Variants in CLVS1 observed in about 807,000 individuals in gnomAD.
CLVS1 encodes the protein clavesin-1.
CLVS1 carries 10 observed loss-of-function variants against 33.1 expected under a neutral mutation model. The observed-to-expected ratio is 0.30, with a 90% confidence interval of 0.19 to 0.51. The LOEUF (loss-of-function observed/expected upper bound fraction) is 0.51. Ranked by LOEUF, CLVS1 falls within the 20% of genes least tolerant of loss-of-function variation. The pLI is 0.97. For synonymous variants in CLVS1, 163 were observed against 166.1 expected (o/e 0.98, Z 0.14); for missense variants, 343 against 433.4 (o/e 0.79, Z 1.85).
chr8:61,121,716 A>G (rs1805874174), intron 1 of CLVS1, among the ~76,000 whole-genome samples: 1 of 152,200 alleles, frequency 6.6e-6, no homozygotes, highest in African/African-American at 2.4e-5. Context: ...TGTCAAAGCA[A>G]AGTATACACA....
intron 2 of CLVS1, chr8:61,203,103 G>C (rs1807771331): frequency 1.8e-5 from 23 of 1,266,750 alleles, no homozygotes; most frequent in Non-Finnish European, 2.4e-5. Flanking sequence ...ATGCAAGCAA[G>C]TATAGAAAAA....
At chr8:61,356,095 C>A (rs1301266984) in intron 2 of CLVS1, among the ~76,000 whole-genome samples, 3 of 151,826 alleles carry the variant, frequency 2.0e-5, no homozygotes, top group African/African-American at 7.3e-5. Context: ...GACTTTTTAA[C>A]GATTGCCATT....
At chr8:61,463,781 T>C (rs1817451619) in intron 5 of CLVS1, among the ~76,000 whole-genome samples, 2 of 151,850 alleles carry the variant, frequency 1.3e-5, no homozygotes, top group Non-Finnish European at 2.9e-5. Flanking sequence ...TAATAAAAAG[T>C]TTGGGCCGGG....
At chr8:61,226,309 A>G (rs1808328603) in intron 2 of CLVS1, among the ~76,000 whole-genome samples, 2 of 152,240 alleles carry the variant, frequency 1.3e-5, no homozygotes, top group African/African-American at 4.8e-5. Context: ...TGAATAATAA[A>G]TGTCACTTTT....
At chr8:61,352,778 G>A (rs980331241) in intron 2 of CLVS1, among the ~76,000 whole-genome samples, 1 of 151,544 alleles carries the variant, frequency 6.6e-6, no homozygotes, top group Non-Finnish European at 1.5e-5. Context: ...GAACAAAAAA[G>A]CAATAAAAAA....
At chr8:61,201,897 G>A (rs1057108571) in intron 2 of CLVS1, among the ~76,000 whole-genome samples, 2 of 152,180 alleles carry the variant, frequency 1.3e-5, no homozygotes, top group Non-Finnish European at 2.9e-5. Flanking sequence ...TGCCATGAGA[G>A]TACACCAAAC....
intron 3 of CLVS1, among the ~76,000 whole-genome samples, chr8:61,393,203 C>T (rs1814377966): frequency 6.6e-6 from 1 of 151,968 alleles, no homozygotes; most frequent in African/African-American, 2.4e-5. Flanking sequence ...TTGAAACTTT[C>T]GAGTGTATTT....
chr8:60,973,796 A>C, the CLVS1 span, among the ~76,000 whole-genome samples: 4 of 152,186 alleles, frequency 2.6e-5, no homozygotes, highest in African/African-American at 9.7e-5. Flanking sequence ...CCAGCTCCTG[A>C]GATCTTACTG....
At position 61,115,533 on chromosome 8, in the gene CLVS1, G is replaced by A. The variant is rs1302083818; in HGVS notation, c.-242-16237G>A. Among the ~76,000 whole-genome samples, 13 of 145,366 alleles carry A rather than the reference G, an allele frequency of 8.9e-5. No homozygotes were observed. In the East Asian group the frequency reaches 1.7e-3, roughly 19 times the overall value. ...CCATGCTATCCCTCCCCACTCCCCCGACCCCACAACAGTCCCCAGTGTGAT... is the reference window on the plus strand; with the variant it reads ...CCATGCTATCCCTCCCCACTCCCCCAACCCCACAACAGTCCCCAGTGTGAT... On this transcript the variant is annotated intron_variant, in intron 1 of 2. Transcript: ENST00000522621.
At chr8:61,166,339 A>G (rs926993363) in intron 2 of CLVS1, among the ~76,000 whole-genome samples, 11 of 151,540 alleles carry the variant, frequency 7.3e-5, no homozygotes, top group Non-Finnish European at 1.3e-4. Context: ...TGTTGCCCAC[A>G]ATTTTTTTGG....
intron 2 of CLVS1, among the ~76,000 whole-genome samples, chr8:61,352,914 G>A (rs1005552141): frequency 2.0e-5 from 3 of 151,922 alleles, no homozygotes; most frequent in African/African-American, 7.2e-5. Context: ...TAAGAAAGTA[G>A]GTTATATGTA....
intron 2 of CLVS1, among the ~76,000 whole-genome samples, chr8:61,323,975 A>T (rs1187806691): frequency 6.6e-6 from 1 of 152,108 alleles, no homozygotes; most frequent in East Asian, 1.9e-4. Flanking sequence ...ACATGATCTC[A>T]TTCTTTTTTG....
rs147659858 is a variant in CLVS1 at position 61,354,080 on chromosome 8, G to A, written c.456-22525G>A. Among the ~76,000 whole-genome samples the A allele has an allele frequency of 5.4e-3, 825 of 152,058 alleles. 8 individuals carry two copies. Among genetic ancestry groups the A allele is most frequent in the African/African-American group, 0.019 (769 of 41,508 alleles). ...GACTAGCCCTATAGCCTTCAAATTC[G>A]TTGAATTCATAAATTTAAAACTCTT... On this transcript the variant is annotated intron_variant, in intron 2 of 5. Coordinates refer to ENST00000325897, the MANE Select transcript of CLVS1 (RefSeq NM_173519.3).
chr8:61,395,998 A>C (rs1481299481), intron 3 of CLVS1, among the ~76,000 whole-genome samples: 1 of 152,210 alleles, frequency 6.6e-6, no homozygotes, highest in Non-Finnish European at 1.5e-5. Context: ...TAAGGTATTG[A>C]TAGGTTCCAC....
chr8:61,124,960 G>A (rs746427223), intron 1 of CLVS1, among the ~76,000 whole-genome samples: 8 of 152,168 alleles, frequency 5.3e-5, no homozygotes, highest in Non-Finnish European at 4.4e-5. Context: ...GAGACATGTT[G>A]TAAAAGCACT....
chr8:61,196,529 G>T (rs758394299), intron 2 of CLVS1, among the ~76,000 whole-genome samples: 1 of 152,152 alleles, frequency 6.6e-6, no homozygotes, highest in Non-Finnish European at 1.5e-5. Flanking sequence ...GGAAGCCCAG[G>T]GTTGGCTTAG....
At chr8:61,164,101 C>G (rs1806807453) in intron 2 of CLVS1, among the ~76,000 whole-genome samples, 1 of 152,180 alleles carries the variant, frequency 6.6e-6, no homozygotes, top group Non-Finnish European at 1.5e-5. Flanking sequence ...TCTTTACCTC[C>G]TGTTTTTAGC....
chr8:61,232,031 T>TGTTTGTTTGTTTGTTTG (rs1554548363), intron 2 of CLVS1, among the ~76,000 whole-genome samples: 891 of 62,474 alleles, frequency 0.014, 71 homozygotes, highest in African/African-American at 0.035. Flanking sequence ...TGGTTTTTTT[T>TGTTTGTTTGTTTGTTTG]TTTTTTTTTT....
At chr8:61,425,496 A>T (rs1815852196) in intron 3 of CLVS1, among the ~76,000 whole-genome samples, 1 of 152,194 alleles carries the variant, frequency 6.6e-6, no homozygotes, top group Non-Finnish European at 1.5e-5. Context: ...TAAAGTGCAC[A>T]ATTCAATGGC....
Sources: allele counts gnomAD v4.1 joint callset (sites outside exome capture counted in the v4.1 genomes callset), GRCh38; gene constraint gnomAD v4.1.1; transcripts MANE v1.5; gene names NCBI Gene and HGNC (gene_info 2026-07-23, HGNC 2026-07-21).